The following PTPRT variants were observed in gnomAD, a reference collection of about 807,000 sequenced individuals.
PTPRT encodes receptor-type tyrosine-protein phosphatase T.
A neutral mutation model predicts 176.8 loss-of-function variants in PTPRT; 56 were observed. That is an observed-to-expected ratio of 0.32 (90% CI 0.26 to 0.40). The LOEUF (loss-of-function observed/expected upper bound fraction) is 0.40. PTPRT is among the 10% of genes least tolerant of loss of function. The pLI, the probability that PTPRT is intolerant of heterozygous loss-of-function variation, is 1.00. For missense variants in PTPRT, 1,540 were observed against 1,908.2 expected, an observed-to-expected ratio of 0.81 and a Z score of 3.60; for synonymous variants, 783 against 739.0, an observed-to-expected ratio of 1.06 and a Z score of -0.96.
chr20:42,082,089 T>G, intron 29 of PTPRT, 72 bp from the exon 30 acceptor site: 1 of 1,602,986 alleles, frequency 6.2e-7, no homozygotes, highest in Non-Finnish European at 8.5e-7. Flanking sequence ...TAAAGCTACA[T>G]CAGTAGGAGT....
At chr20:42,737,508 G>C (rs2076557351) in intron 6 of PTPRT, among the ~76,000 whole-genome samples, 1 of 152,124 alleles carries the variant, frequency 6.6e-6, no homozygotes, top group Non-Finnish European at 1.5e-5. Context: ...GTGGGAGTCT[G>C]TAATCCCAGC....
intron 7 of PTPRT, among the ~76,000 whole-genome samples, chr20:42,512,974 C>T (rs1000145359): frequency 2.6e-5 from 4 of 152,124 alleles, no homozygotes; most frequent in Admixed American, 6.6e-5. Flanking sequence ...ATTCTCCTGC[C>T]TCAGCCTTTT....
chr20:42,898,635 C>T (rs1441106215), intron 1 of PTPRT, among the ~76,000 whole-genome samples: 1 of 152,196 alleles, frequency 6.6e-6, no homozygotes, highest in African/African-American at 2.4e-5. Context: ...TTCAGACCAT[C>T]TTCTCTACAT....
At chr20:42,893,863 G>A (rs900825635) in intron 1 of PTPRT, among the ~76,000 whole-genome samples, 1 of 151,812 alleles carries the variant, frequency 6.6e-6, no homozygotes, top group African/African-American at 2.4e-5. Context: ...GACTGTTGTG[G>A]GGTGGGGGGA....
intron 9 of PTPRT, among the ~76,000 whole-genome samples, chr20:42,389,155 T>G (rs559448549): frequency 3.3e-5 from 5 of 150,520 alleles, no homozygotes; most frequent in Admixed American, 2.6e-4. Context: ...AGGGATAGCA[T>G]TAGGAGATAT....
chr20:42,648,837 T>C (rs1219893783), intron 7 of PTPRT, among the ~76,000 whole-genome samples: 110 of 92,716 alleles, frequency 1.2e-3, no homozygotes, highest in Non-Finnish European at 2.4e-3. Context: ...TTTTTTTTTT[T>C]TGACAGAGTC....
chr20:42,539,080 G>A lies in PTPRT; in HGVS notation c.1154-66518C>T, dbSNP rs572572122. 1.5e-4 allele frequency among the ~76,000 whole-genome samples: 23 copies of A among 152,272 alleles called. No homozygotes were observed. The East Asian group carries it at 4.3e-3, about 28-fold the overall frequency. ...TACCAGTCTCTTCCATTGGCAATGG[G>A]ACCTCAGAGTCAGGGATCATGTTGT... On this transcript the variant is annotated intron_variant, in intron 7 of 30. Transcript: ENST00000373187.
chr20:42,760,945 G>A (rs2076906154), intron 5 of PTPRT, among the ~76,000 whole-genome samples: 1 of 151,858 alleles, frequency 6.6e-6, no homozygotes, highest in African/African-American at 2.4e-5. Flanking sequence ...GGAATTTATA[G>A]GCTGGATTAA....
intron 9 of PTPRT, among the ~76,000 whole-genome samples, chr20:42,403,874 G>T (rs527485513): frequency 1.3e-5 from 2 of 152,088 alleles, no homozygotes; most frequent in Admixed American, 6.5e-5. Context: ...GCTGCCTTTT[G>T]TACTTAGAAA....
rs1568896867 is a variant in PTPRT at position 42,074,221 on chromosome 20, C to T, written c.*6658G>A. Reference sequence around the variant, plus strand: ...CATTATTCATCTTCCATGGGAGATACAGGGACAGGGTGGACACTGAGAGTT... The same window carrying T: ...CATTATTCATCTTCCATGGGAGATATAGGGACAGGGTGGACACTGAGAGTT... On this transcript the variant is annotated 3_prime_UTR_variant, in exon 31 of 31. Coordinates refer to ENST00000373187, the MANE Select transcript of PTPRT (RefSeq NM_007050.6). 4.4e-6 allele frequency: 1 copy of T among 227,926 alleles called. No homozygotes were observed. Among genetic ancestry groups the T allele is most frequent in the African/African-American group, 2.2e-5 (1 of 45,078 alleles). The allele number at this position is 227,926 out of a possible 1,614,324, so 14.1% of individuals were successfully genotyped here.
intron 1 of PTPRT, among the ~76,000 whole-genome samples, chr20:43,072,272 G>A (rs536714457): frequency 2.3e-4 from 35 of 152,346 alleles, no homozygotes; most frequent in African/African-American, 8.4e-4. Flanking sequence ...GTGCAAAGAT[G>A]TAATATGCAA....
chr20:43,082,333 T>C (rs1332798045), intron 1 of PTPRT, among the ~76,000 whole-genome samples: 1 of 152,232 alleles, frequency 6.6e-6, no homozygotes, highest in Non-Finnish European at 1.5e-5. Context: ...GAATATATTA[T>C]TTTCTTAGTT....
Position 43,134,316 on chromosome 20 carries a change from C to T in PTPRT, c.88+55330G>A, listed in dbSNP as rs571285982. Among the ~76,000 whole-genome samples the T allele has an allele frequency of 3.2e-3, 481 of 152,302 alleles. 3 individuals are homozygous for T. Among genetic ancestry groups the T allele is most frequent in the African/African-American group, 0.011 (462 of 41,558 alleles). On this transcript the variant is annotated intron_variant, in intron 1 of 30. Transcript: ENST00000373187. ...ACCTTTTCCTTGGCCCATCTGTGTA[C>T]TTCCTTGTAAAATCCAGCTGAAGAA...
intron 7 of PTPRT, among the ~76,000 whole-genome samples, chr20:42,567,486 G>A (rs2073063217): frequency 6.6e-6 from 1 of 152,130 alleles, no homozygotes; most frequent in South Asian, 2.1e-4. Context: ...GATTACCAGG[G>A]GGTGAGGTAC....
At chr20:42,183,224 TC>T (rs1421204652) in intron 16 of PTPRT, among the ~76,000 whole-genome samples, 1 of 152,112 alleles carries the variant, frequency 6.6e-6, no homozygotes, top group Non-Finnish European at 1.5e-5. Flanking sequence ...TACCACTTAA[TC>T]CTATGGTTCT....
intron 9 of PTPRT, among the ~76,000 whole-genome samples, chr20:42,410,401 G>A (rs571539593): frequency 4.6e-5 from 7 of 151,364 alleles, no homozygotes; most frequent in Non-Finnish European, 7.4e-5. Context: ...TACATAAAAC[G>A]AAACAAAAAT....
In PTPRT at chr20:42,451,572, T is replaced by C. The variant is rs371383188; in HGVS notation, c.1451-3243A>G. ...CCAGAATTAACAATTAGGAGGAAAATGAATGGAGAAACTGGGAGTCAGTGT... is the reference window on the plus strand; with the variant it reads ...CCAGAATTAACAATTAGGAGGAAAACGAATGGAGAAACTGGGAGTCAGTGT... On this transcript the variant is annotated intron_variant, in intron 8 of 30. Transcript: ENST00000373187. 5.3e-5 allele frequency among the ~76,000 whole-genome samples: 8 copies of C among 151,398 alleles called. No homozygotes were observed. In the East Asian group the frequency reaches 1.4e-3, roughly 26 times the overall value.
At chr20:42,099,249 C>T (rs1985620263) in intron 26 of PTPRT, among the ~76,000 whole-genome samples, 1 of 151,926 alleles carries the variant, frequency 6.6e-6, no homozygotes, top group South Asian at 2.1e-4. Flanking sequence ...GTGCTAAATA[C>T]TGGCAAGTTA....
At chr20:42,622,126 T>C (rs555065653) in intron 7 of PTPRT, among the ~76,000 whole-genome samples, 2 of 152,344 alleles carry the variant, frequency 1.3e-5, no homozygotes, top group South Asian at 2.1e-4. Context: ...TTAGAAAATA[T>C]ATTGTTCCTC....
Sources: gnomAD v4.1 joint callset for allele counts (sites outside exome capture counted in the v4.1 genomes callset) on GRCh38, gnomAD v4.1.1 for gene constraint, MANE v1.5 for transcripts, NCBI Gene and HGNC (gene_info 2026-07-23, HGNC 2026-07-21) for gene names.